The following IKZF1 variants were observed in gnomAD, a reference collection of about 807,000 sequenced individuals.
IKZF1 encodes IKAROS family zinc finger 1.
In IKZF1, 10 loss-of-function variants were observed where a neutral mutation model predicts 51.7. The observed-to-expected ratio is 0.19, with a 90% confidence interval of 0.12 to 0.33. The LOEUF (loss-of-function observed/expected upper bound fraction) is 0.33. IKZF1 is among the 10% of genes least tolerant of loss of function. The pLI is 1.00. For synonymous variants in IKZF1, 280 were observed against 282.3 expected (o/e 0.99, Z 0.08); for missense variants, 484 against 707.5 (o/e 0.68, Z 3.58).
At chr7:50,359,687 T>C (rs1804643625) in intron 3 of IKZF1, among the ~76,000 whole-genome samples, 1 of 152,284 alleles carries the variant, frequency 6.6e-6, no homozygotes, top group Non-Finnish European at 1.5e-5. Flanking sequence ...TGTACACATG[T>C]GTGTGCACCA....
intron 3 of IKZF1, among the ~76,000 whole-genome samples, chr7:50,347,934 A>G (rs1346048174): frequency 2.0e-5 from 3 of 152,228 alleles, no homozygotes; most frequent in Non-Finnish European, 4.4e-5. Context: ...GCTGTGCTGC[A>G]GATGGACACC....
intron 7 of IKZF1, among the ~76,000 whole-genome samples, chr7:50,395,481 C>T (rs1290050243): frequency 1.3e-5 from 2 of 152,144 alleles, no homozygotes; most frequent in African/African-American, 4.8e-5. Flanking sequence ...ATTTAAGCAG[C>T]ATCTACTGGC....
chr7:50,368,822 T>C (rs1807793347), intron 3 of IKZF1: 1 of 224,418 alleles, frequency 4.5e-6, no homozygotes, highest in Admixed American at 5.7e-5. Context: ...TAGTAAATCC[T>C]CTAATACTAT....
At chr7:50,306,966 C>A (rs894315833) in intron 1 of IKZF1, among the ~76,000 whole-genome samples, 2 of 152,208 alleles carry the variant, frequency 1.3e-5, no homozygotes, top group African/African-American at 2.4e-5. Context: ...GAAATAAATT[C>A]CATGTGCATA....
upstream of IKZF1, chr7:50,304,281 C>G (rs1420440201): frequency 6.7e-6 from 1 of 149,542 alleles, no homozygotes; most frequent in Non-Finnish European, 1.5e-5. Context: ...GACGACGCAC[C>G]CTCTCCGTGT....
chr7:50,373,983 T>C (rs1441450936), intron 3 of IKZF1, among the ~76,000 whole-genome samples: 1 of 152,160 alleles, frequency 6.6e-6, no homozygotes, highest in African/African-American at 2.4e-5. Context: ...GGGAGAGCAT[T>C]TGAAGAATCC....
At chr7:50,367,652 G>T in intron 3 of IKZF1, 1 of 197,936 alleles carries the variant, frequency 5.1e-6, no homozygotes, top group Non-Finnish European at 1.0e-5. Flanking sequence ...GCTGTCCCAG[G>T]AGATGCTCTG....
chr7:50,340,763 C>G (rs986565292), intron 3 of IKZF1, among the ~76,000 whole-genome samples: 1 of 152,150 alleles, frequency 6.6e-6, no homozygotes, highest in Non-Finnish European at 1.5e-5. Flanking sequence ...TAACTATTAC[C>G]AGGTGTAGCC....
chr7:50,304,946 C>T (rs2153308879), intron 1 of IKZF1, 24 bp downstream of exon 1: 1 of 152,040 alleles, frequency 6.6e-6, no homozygotes, highest in Non-Finnish European at 1.5e-5. Flanking sequence ...AATTGAATTT[C>T]AATAGGAAAA....
At chr7:50,342,472 T>C (rs1799274588) in intron 3 of IKZF1, among the ~76,000 whole-genome samples, 1 of 152,174 alleles carries the variant, frequency 6.6e-6, no homozygotes, top group East Asian at 1.9e-4. Context: ...ATGAGGCAGG[T>C]TCCCAGAGAG....
intron 1 of IKZF1, chr7:50,308,852 G>A (rs1488335952): frequency 6.6e-6 from 1 of 152,342 alleles, no homozygotes; most frequent in African/African-American, 2.4e-5. Flanking sequence ...TCAAAGTCTG[G>A]ATTTGTGTGG....
At chr7:50,309,390 G>GT (rs953068257) in intron 1 of IKZF1, among the ~76,000 whole-genome samples, 3 of 152,060 alleles carry the variant, frequency 2.0e-5, no homozygotes, top group African/African-American at 7.2e-5. Flanking sequence ...TCCTTTCTTC[G>GT]TTTTTTCCTC....
chr7:50,324,592 GA>G (rs1201572187), intron 2 of IKZF1, among the ~76,000 whole-genome samples: 51 of 152,040 alleles, frequency 3.4e-4, no homozygotes, highest in African/African-American at 9.2e-4. Flanking sequence ...CCCCCATGTT[GA>G]AAAAAATAAA....
chr7:50,387,672 C>G (rs1813797520), intron 6 of IKZF1, among the ~76,000 whole-genome samples: 1 of 152,080 alleles, frequency 6.6e-6, no homozygotes, highest in East Asian at 1.9e-4. Flanking sequence ...CCTCATCTGA[C>G]CAGAGAGAGC....
At chr7:50,387,546 CAGCCTTAGGAGCAG>C in intron 6 of IKZF1, 76 bp downstream of exon 6, 1 of 1,501,290 alleles carries the variant, frequency 6.7e-7, no homozygotes, top group Non-Finnish European at 8.9e-7. Flanking sequence ...GCTCTGCATG[CAGCCTTAGGAGCAG>C]AGCCTTGGGC....
Position 50,318,678 on chromosome 7 carries a change from C to G in IKZF1, c.-14-370C>G, listed in dbSNP as rs1405498660. 16 of 233,068 alleles carry G rather than the reference C, an allele frequency of 6.9e-5. No individual in the cohort carries two copies. The East Asian group carries it at 1.1e-3, about 15-fold the overall frequency. The allele number at this position is 233,068 out of a possible 1,614,324, so 14.4% of individuals were successfully genotyped here. ...TGCATGCTCAGTAAATTAGAAAGAA[C>G]ATAACTATGGATCAGCCAAGAGAAT... On this transcript the variant is annotated intron_variant, in intron 1 of 7. Coordinates refer to ENST00000331340, the MANE Select transcript of IKZF1 (RefSeq NM_006060.6).
At chr7:50,334,569 G>A (rs1797179830) in intron 3 of IKZF1, among the ~76,000 whole-genome samples, 1 of 151,514 alleles carries the variant, frequency 6.6e-6, no homozygotes, top group East Asian at 1.9e-4. Flanking sequence ...TATATGGGGT[G>A]TGTATGTGTG....
intron 2 of IKZF1, among the ~76,000 whole-genome samples, chr7:50,319,882 C>G (rs1433652164): frequency 6.6e-6 from 1 of 152,198 alleles, no homozygotes; most frequent in Admixed American, 6.5e-5. Flanking sequence ...TGAGCGCCCT[C>G]GTGTTTTGAA....
intron 3 of IKZF1, among the ~76,000 whole-genome samples, chr7:50,330,828 C>T (rs1796300342): frequency 6.6e-6 from 1 of 152,080 alleles, no homozygotes; most frequent in Non-Finnish European, 1.5e-5. Flanking sequence ...AATGAAAAGA[C>T]AGAAGCAGTG....
Sources: gnomAD v4.1 joint callset for allele counts (sites outside exome capture counted in the v4.1 genomes callset) on GRCh38, gnomAD v4.1.1 for gene constraint, MANE v1.5 for transcripts, NCBI Gene and HGNC (gene_info 2026-07-23, HGNC 2026-07-21) for gene names.